CADPS: variants seen among roughly 807,000 people sequenced by gnomAD.
CADPS encodes calcium-dependent secretion activator 1.
In CADPS, 57 loss-of-function variants were observed where a neutral mutation model predicts 167.3. That is an observed-to-expected ratio of 0.34 (90% CI 0.28 to 0.42). The LOEUF (loss-of-function observed/expected upper bound fraction) is 0.42, where lower values mean the gene tolerates loss of function less well. CADPS is among the 20% of genes least tolerant of loss of function. The pLI is 1.00. For synonymous variants in CADPS, 676 were observed against 635.3 expected, an observed-to-expected ratio of 1.06 and a Z score of -0.96; for missense variants, 1,414 against 1,738.1, an observed-to-expected ratio of 0.81 and a Z score of 3.32.
chr3:62,643,325 C>G (rs1167464105), intron 6 of CADPS, among the ~76,000 whole-genome samples: 1 of 152,196 alleles, frequency 6.6e-6, no homozygotes, highest in Admixed American at 6.5e-5. Context: ...CTTCAGGTAG[C>G]TACCACTGAC....
At chr3:62,648,356 G>C (rs767716741) in intron 5 of CADPS, among the ~76,000 whole-genome samples, 2 of 152,124 alleles carry the variant, frequency 1.3e-5, no homozygotes, top group South Asian at 4.1e-4. Flanking sequence ...ATAATCAGCT[G>C]TGTAATATCG....
chr3:62,682,609 A>T (rs1419334405), intron 3 of CADPS, among the ~76,000 whole-genome samples: 1 of 152,102 alleles, frequency 6.6e-6, no homozygotes, highest in Non-Finnish European at 1.5e-5. Context: ...TTAACATTGC[A>T]AAATCCTTAT....
intron 3 of CADPS, among the ~76,000 whole-genome samples, chr3:62,708,855 G>T (rs970281337): frequency 6.6e-6 from 1 of 151,934 alleles, no homozygotes; most frequent in Non-Finnish European, 1.5e-5. Context: ...AGAGCATTTC[G>T]ACTTTCAGGG....
chr3:62,742,923 C>T (rs760858021), intron 3 of CADPS, among the ~76,000 whole-genome samples: 14 of 152,180 alleles, frequency 9.2e-5, no homozygotes, highest in Middle Eastern at 3.4e-3. Flanking sequence ...GGAACTTAAA[C>T]AAATTTATAA....
rs1416152809 is a variant in CADPS, at chr3:62,399,282, T to C, written c.*124A>G. On this transcript the variant is annotated 3_prime_UTR_variant, in exon 30 of 30. Transcript: ENST00000383710. The surrounding 1 kb of genome is among the most constrained non-coding windows in gnomAD (Gnocchi z 5.6). Reference sequence around the variant, plus strand: ...TGGTACCACATAGCTAAAATGGCAGTTGTATTGATAAACATCTCATGGGCA... The same window carrying C: ...TGGTACCACATAGCTAAAATGGCAGCTGTATTGATAAACATCTCATGGGCA... The C allele has an allele frequency of 9.6e-6, 8 of 831,026 alleles. No homozygotes were observed. Among genetic ancestry groups the C allele is most frequent in the Non-Finnish European group, 1.5e-5 (8 of 523,992 alleles). The allele number at this position is 831,026 out of a possible 1,614,324, so 51.5% of individuals were successfully genotyped here.
chr3:62,750,426 G>A (rs930647914), intron 3 of CADPS, among the ~76,000 whole-genome samples: 20 of 149,230 alleles, frequency 1.3e-4, no homozygotes, highest in Non-Finnish European at 4.4e-5. Context: ...TAATCATCCA[G>A]GTAGTACTCG....
At chr3:62,719,904 C>T (rs371067298) in intron 3 of CADPS, among the ~76,000 whole-genome samples, 196 of 152,224 alleles carry the variant, frequency 1.3e-3, no homozygotes, top group South Asian at 0.012. Flanking sequence ...GCTCTGTGTC[C>T]CTTTTAGGCT....
rs1455375755 is a variant in CADPS at position 62,533,010 on chromosome 3, G to T, written c.2152C>A (p.Arg718=). The T allele has an allele frequency of 2.5e-6, 4 of 1,613,542 alleles. No homozygotes were observed. The highest frequency in any genetic ancestry group is 4.5e-5 in the East Asian group (2 of 44,840). The part of the protein sequence containing the change: ...QVFVLDEYCA[R]NGVRGCHRHL... ...CGGTGACACCCCCGGACTCCATTTC[G>T]GGCGCAATACTCGTCTAGTACAAAC... Residue 718 remains arginine (R), a synonymous_variant, in exon 13 of 30, where the codon CGA becomes AGA. Transcript: ENST00000383710.
At chr3:62,449,391 T>C (rs1348512099) in intron 26 of CADPS, among the ~76,000 whole-genome samples, 2 of 152,230 alleles carry the variant, frequency 1.3e-5, no homozygotes, top group Non-Finnish European at 2.9e-5. Context: ...GTTACATTCT[T>C]TACAGTAGAT....
At chr3:62,815,964 TTGAA>T (rs2094592417) in intron 1 of CADPS, among the ~76,000 whole-genome samples, 1 of 152,182 alleles carries the variant, frequency 6.6e-6, no homozygotes, top group Non-Finnish European at 1.5e-5. Flanking sequence ...TATGAAGAAC[TTGAA>T]TGGTTAAAAT....
At chr3:62,764,155 T>G (rs2086257628) in intron 2 of CADPS, among the ~76,000 whole-genome samples, 1 of 152,214 alleles carries the variant, frequency 6.6e-6, no homozygotes, top group Non-Finnish European at 1.5e-5. Context: ...CTGCTTGGCC[T>G]GACAAGGGTT....
At chr3:62,583,871 G>C (rs1460901967) in intron 8 of CADPS, among the ~76,000 whole-genome samples, 1 of 152,074 alleles carries the variant, frequency 6.6e-6, no homozygotes, top group African/African-American at 2.4e-5. Flanking sequence ...CATCTACTGG[G>C]AAGTTCAATT....
chr3:62,739,474 G>A (rs1263245025), intron 3 of CADPS, among the ~76,000 whole-genome samples: 1 of 152,138 alleles, frequency 6.6e-6, no homozygotes, highest in East Asian at 1.9e-4. Flanking sequence ...AACCCATACA[G>A]GTATTCTCAC....
chr3:62,855,643 A>T (rs2079528777), intron 1 of CADPS, among the ~76,000 whole-genome samples: 1 of 152,182 alleles, frequency 6.6e-6, no homozygotes, highest in Non-Finnish European at 1.5e-5. Context: ...CTGAAGTAGC[A>T]AGTCACAAAA....
chr3:62,758,447 A>G (rs1170909959), intron 2 of CADPS, among the ~76,000 whole-genome samples: 1 of 152,232 alleles, frequency 6.6e-6, no homozygotes, highest in Non-Finnish European at 1.5e-5. Flanking sequence ...CTATTTCTAC[A>G]GGCACATCAT....
At chr3:62,510,576 A>T (rs996066338) in intron 17 of CADPS, among the ~76,000 whole-genome samples, 3 of 152,144 alleles carry the variant, frequency 2.0e-5, no homozygotes, top group African/African-American at 7.2e-5. Flanking sequence ...AATTAAATTG[A>T]ACATTTAATT....
At chr3:62,588,295 T>TTC (rs2085113672) in intron 7 of CADPS, among the ~76,000 whole-genome samples, 1 of 92,452 alleles carries the variant, frequency 1.1e-5, no homozygotes, top group African/African-American at 2.7e-5. Flanking sequence ...TTCCAGGTCT[T>TTC]TCTTTTTTTT....
At chr3:62,866,995 C>A (rs2081816321) in intron 1 of CADPS, among the ~76,000 whole-genome samples, 2 of 151,954 alleles carry the variant, frequency 1.3e-5, no homozygotes, top group South Asian at 4.1e-4. Context: ...TTGCATATTA[C>A]CTACTTATGC....
intron 3 of CADPS, among the ~76,000 whole-genome samples, chr3:62,725,157 A>AT (rs1166462682): frequency 6.9e-6 from 1 of 145,316 alleles, no homozygotes; most frequent in Admixed American, 6.7e-5. Context: ...TGCTTCCTTT[A>AT]TCAAAAATCT....
Sources: allele counts gnomAD v4.1 joint callset (sites outside exome capture counted in the v4.1 genomes callset), GRCh38; gene constraint gnomAD v4.1.1; non-coding constraint Gnocchi (gnomAD v3.1); transcripts MANE v1.5; gene names NCBI Gene and HGNC (gene_info 2026-07-23, HGNC 2026-07-21).